EXOC1: variants seen among roughly 807,000 people sequenced by gnomAD.
The protein encoded by EXOC1 is exocyst complex component 1, also known as SEC3-like 1.
A neutral mutation model predicts 107.7 loss-of-function variants in EXOC1; 67 were observed. The ratio of observed to expected loss-of-function variants is 0.62; its 90% CI spans 0.51 to 0.76. The LOEUF (loss-of-function observed/expected upper bound fraction) is 0.76, where lower values mean the gene tolerates loss of function less well. EXOC1 is among the 30% of genes least tolerant of loss of function. The probability of loss-of-function intolerance (pLI) is 0.00; values close to 1 mark genes in which losing one functional copy is unlikely to be tolerated. For synonymous variants in EXOC1, 348 were observed against 353.5 expected (o/e 0.98, Z 0.17); for missense variants, 833 against 1,055.7 (o/e 0.79, Z 2.92).
At chr4:55,868,060 T>C (rs1031417156) in intron 4 of EXOC1, among the ~76,000 whole-genome samples, 10 of 152,212 alleles carry the variant, frequency 6.6e-5, no homozygotes, top group African/African-American at 2.4e-4. Flanking sequence ...AGCTTAATTG[T>C]ATTTTGGGAA....
intron 3 of EXOC1, among the ~76,000 whole-genome samples, chr4:55,863,025 C>T (rs556392049): frequency 3.1e-4 from 47 of 152,090 alleles, no homozygotes; most frequent in African/African-American, 1.1e-3. Context: ...CTTAGCCTCC[C>T]GAGTAGCTGG....
chr4:55,873,587 A>G (rs1475974598), intron 8 of EXOC1, among the ~76,000 whole-genome samples: 1 of 152,184 alleles, frequency 6.6e-6, no homozygotes, highest in African/African-American at 2.4e-5. Flanking sequence ...CTTGCCTTGT[A>G]AACTAATGGC....
intron 10 of EXOC1, among the ~76,000 whole-genome samples, chr4:55,886,679 A>G (rs1259387138): frequency 1.3e-5 from 2 of 152,150 alleles, no homozygotes; most frequent in African/African-American, 4.8e-5. Flanking sequence ...TTTTCAATGA[A>G]TGAAAATTAA....
At chr4:55,864,190 G>T (rs1721749790) in intron 3 of EXOC1, 37 bp from the exon 4 acceptor site, 1 of 1,332,066 alleles carries the variant, frequency 7.5e-7, no homozygotes. Flanking sequence ...AAAAGGATGT[G>T]ATCAAAAATA....
rs530842064 is a variant in EXOC1, at chr4:55,904,281, C to G, written c.2533-62C>G. ...CTTAGAATATGCCTTGGCATTATTT[C>G]TGCATACTAGATTACATATTATTTC... On this transcript the variant is annotated intron_variant, in intron 18 of 18. Transcript: ENST00000381295. 2.8e-6 allele frequency: 4 copies of G among 1,450,502 alleles called. No homozygotes were observed. The South Asian group carries it at 6.1e-5, about 22-fold the overall frequency. 89.9% of individuals were successfully genotyped at this position (1,450,502 alleles called of 1,614,324 possible).
At chr4:55,868,598 A>G (rs1722158817) in intron 5 of EXOC1, 75 bp downstream of exon 5, 6 of 1,343,076 alleles carry the variant, frequency 4.5e-6, no homozygotes, top group East Asian at 4.8e-5. Context: ...ATATTATACT[A>G]CCTCAGCACT....
At position 55,899,729 on chromosome 4, in the gene EXOC1, G is replaced by A. The variant is rs1302946645; in HGVS notation, c.2182G>A (p.Val728Ile). Residue 728 changes from valine (V) to isoleucine (I), a missense_variant, in exon 17 of 19, where the codon GTT becomes ATT. By Grantham distance (29) the Val-to-Ile change is conservative. Transcript: ENST00000381295. The part of the protein sequence containing the change: ...NESQKTPRDV[V>I]MMENFHHIFA... Reference sequence around the variant, plus strand: ...AAGCCAGAAGACCCCCAGGGATGTGGTTATGATGGAAAACTTTCACCATAT... The same window carrying A: ...AAGCCAGAAGACCCCCAGGGATGTGATTATGATGGAAAACTTTCACCATAT... The A allele has an allele frequency of 6.2e-7, 1 of 1,613,582 alleles. No individual in the cohort carries two copies. The highest frequency in any genetic ancestry group is 8.5e-7 in the Non-Finnish European group (1 of 1,179,774).
At chr4:55,881,638 CA>C (rs1199529310) in intron 9 of EXOC1, among the ~76,000 whole-genome samples, 1 of 152,100 alleles carries the variant, frequency 6.6e-6, no homozygotes, top group African/African-American at 2.4e-5. Context: ...GGTGGGACAA[CA>C]AAGTGGGGAG....
chr4:55,882,363 G>C (rs759599707), intron 9 of EXOC1, among the ~76,000 whole-genome samples: 2 of 152,048 alleles, frequency 1.3e-5, no homozygotes, highest in Non-Finnish European at 2.9e-5. Context: ...TGGCATCATA[G>C]AGTTTTGGAG....
At chr4:55,888,838 G>A (rs1364275346) in intron 10 of EXOC1, 50 bp from the exon 11 acceptor site, 2 of 1,604,366 alleles carry the variant, frequency 1.2e-6, no homozygotes, top group Non-Finnish European at 8.5e-7. Context: ...GCAAATTGCA[G>A]TTTATTAACT....
intron 9 of EXOC1, among the ~76,000 whole-genome samples, chr4:55,881,711 A>G (rs529714425): frequency 6.6e-6 from 1 of 152,322 alleles, no homozygotes; most frequent in East Asian, 1.9e-4. Flanking sequence ...GTTTCTGATT[A>G]GCCTTTCCAA....
At chr4:55,857,813 C>T (rs548940074) in intron 1 of EXOC1, among the ~76,000 whole-genome samples, 1 of 152,258 alleles carries the variant, frequency 6.6e-6, no homozygotes, top group Non-Finnish European at 1.5e-5. Context: ...TATTTTCTAT[C>T]GTTTTTATTT....
chr4:55,902,237 C>A, intron 17 of EXOC1, 107 bp from the exon 18 acceptor site: 1 of 768,766 alleles, frequency 1.3e-6, no homozygotes, highest in Non-Finnish European at 1.9e-6. Context: ...TACTTTCACA[C>A]ACTGATTTTT....
At chr4:55,878,807 T>G (rs1723126116) in intron 9 of EXOC1, among the ~76,000 whole-genome samples, 1 of 152,170 alleles carries the variant, frequency 6.6e-6, no homozygotes, top group African/African-American at 2.4e-5. Flanking sequence ...AAGCAGAAAT[T>G]TCCTATTCTA....
Position 55,870,670 on chromosome 4 carries a change from C to T in EXOC1, c.604-8C>T. On this transcript the variant is annotated splice_region_variant and splice_polypyrimidine_tract_variant and intron_variant, in intron 5 of 18. Coordinates refer to ENST00000381295, the MANE Select transcript of EXOC1 (RefSeq NM_001024924.2). The stretch of plus-strand genomic sequence containing the variant: ...TTTGTTTGTTTGTTTTGGTCTTTAA[C>T]TTTGTAGGCTAACATCCAGTCAATC... 6.2e-7 allele frequency: 1 copy of T among 1,602,592 alleles called. No individual in the cohort carries two copies.
intron 17 of EXOC1, among the ~76,000 whole-genome samples, 169 bp downstream of exon 17, chr4:55,900,053 T>A (rs888423110): frequency 3.9e-5 from 6 of 152,198 alleles, no homozygotes; most frequent in African/African-American, 1.4e-4. Flanking sequence ...CTATATATTT[T>A]ATTTCTTCTT....
intron 4 of EXOC1, among the ~76,000 whole-genome samples, chr4:55,867,343 A>G (rs1577703202): frequency 6.6e-6 from 1 of 152,182 alleles, no homozygotes; most frequent in East Asian, 1.9e-4. Flanking sequence ...AAATGAACGT[A>G]TTTCAGGTCA....
intron 10 of EXOC1, among the ~76,000 whole-genome samples, chr4:55,884,491 G>A (rs562881223): frequency 6.6e-6 from 1 of 152,278 alleles, no homozygotes; most frequent in East Asian, 1.9e-4. Context: ...CTAAAGAGAT[G>A]CTTTGATGCA....
rs183008899 is a variant in EXOC1, at chr4:55,886,333, A to T, written c.1330+2405A>T. ...TTTGGGAGGCTGAGCCGGGAGGATG[A>T]CTTGAGCCCTGGAGGTCGAGACAAG... On this transcript the variant is annotated intron_variant, in intron 10 of 18. Transcript: ENST00000381295. Among the ~76,000 whole-genome samples, 120 of 152,212 alleles carry T rather than the reference A, an allele frequency of 7.9e-4. 1 individual carries two copies. Among genetic ancestry groups the T allele is most frequent in the African/African-American group, 2.8e-3 (115 of 41,540 alleles).
Sources: allele counts gnomAD v4.1 joint callset (sites outside exome capture counted in the v4.1 genomes callset), GRCh38; gene constraint gnomAD v4.1.1; transcripts MANE v1.5; gene names NCBI Gene and HGNC (gene_info 2026-07-23, HGNC 2026-07-21).